Variants in MAP3K3 observed in about 807,000 individuals in gnomAD.
The protein encoded by MAP3K3 is MAP/ERK kinase kinase 3.
In MAP3K3, 12 loss-of-function variants were observed where a neutral mutation model predicts 80.9. The ratio of observed to expected loss-of-function variants is 0.15; its 90% CI spans 0.10 to 0.24. The LOEUF (loss-of-function observed/expected upper bound fraction) is 0.24. Ranked by LOEUF, MAP3K3 falls within the 10% of genes least tolerant of loss-of-function variation. The pLI, the probability that MAP3K3 is intolerant of heterozygous loss-of-function variation, is 1.00. For missense variants in MAP3K3, 596 were observed against 834.7 expected (o/e 0.71, Z 3.52); for synonymous variants, 272 against 307.1 (o/e 0.89, Z 1.19).
intron 2 of MAP3K3, among the ~76,000 whole-genome samples, chr17:63,643,096 A>G (rs1324467540): frequency 2.0e-5 from 3 of 152,150 alleles, no homozygotes; most frequent in African/African-American, 7.2e-5. Flanking sequence ...AAATTAAACA[A>G]AAACAAAAAC....
chr17:63,691,319 G>A lies in MAP3K3; in HGVS notation c.1344+86G>A. The A allele has an allele frequency of 3.8e-6, 6 of 1,584,424 alleles. No homozygotes were observed. The South Asian group carries it at 6.7e-5, about 18-fold the overall frequency. ...GGCCTGCAGGAGGGGGGTCACCTTG[G>A]ATAGGAGTTTGAACACCTGAGGCTC... On this transcript the variant is annotated intron_variant, in intron 13 of 15. Transcript: ENST00000361733. The surrounding 1 kb of genome is among the most constrained non-coding windows in gnomAD (Gnocchi z 4.8).
chr17:63,650,658 T>TAGAGAGAGAGAGAGAGAGAGAGAGAGAG (rs61412799), intron 3 of MAP3K3, among the ~76,000 whole-genome samples: 16 of 117,278 alleles, frequency 1.4e-4, no homozygotes, highest in African/African-American at 5.3e-4. Context: ...CTGTCTCTTA[T>TAGAGAGAGAGAGAGAGAGAGAGAGAGAG]AGAGAGAGAG....
At chr17:63,678,342 T>C (rs901179019) in intron 6 of MAP3K3, among the ~76,000 whole-genome samples, 1 of 152,218 alleles carries the variant, frequency 6.6e-6, no homozygotes. Flanking sequence ...TTAGTTTCTG[T>C]TAGGACTTAG....
At chr17:63,677,101 A>G (rs1032057579) in intron 6 of MAP3K3, among the ~76,000 whole-genome samples, 4 of 152,224 alleles carry the variant, frequency 2.6e-5, no homozygotes, top group Non-Finnish European at 5.9e-5. Flanking sequence ...GCGGATATGT[A>G]CCTGTGCCAG....
chr17:63,633,529 G>A (rs1186151669), intron 2 of MAP3K3, among the ~76,000 whole-genome samples: 2 of 152,200 alleles, frequency 1.3e-5, no homozygotes, highest in East Asian at 3.8e-4. Context: ...AGGCAATAAT[G>A]AGTGATTTTG....
chr17:63,645,358 TA>T, intron 2 of MAP3K3, among the ~76,000 whole-genome samples: 2 of 152,190 alleles, frequency 1.3e-5, no homozygotes, highest in East Asian at 3.9e-4. Context: ...GTTTACAGGC[TA>T]CTCATGATGG....
Position 63,692,075 on chromosome 17 carries a change from G to A in MAP3K3, c.1475-167G>A, listed in dbSNP as rs367690477. 3.3e-5 allele frequency among the ~76,000 whole-genome samples: 5 copies of A among 152,140 alleles called. No homozygotes were observed. The highest frequency in any genetic ancestry group is 1.9e-4 in the East Asian group (1 of 5,182). ...GGCCTTGGAGATGGTCATTTTGTGC[G>A]GTAGATCTGAGACTCCCCTTTGCTA... On this transcript the variant is annotated intron_variant, in intron 14 of 15. Coordinates refer to ENST00000361733, the MANE Select transcript of MAP3K3 (RefSeq NM_002401.5). The surrounding 1 kb of genome is among the most constrained non-coding windows in gnomAD (Gnocchi z 4.5).
rs1000399765 is a variant in MAP3K3, at chr17:63,678,747, C to T, written c.503-3019C>T. On this transcript the variant is annotated intron_variant, in intron 6 of 15. Coordinates refer to ENST00000361733, the MANE Select transcript of MAP3K3 (RefSeq NM_002401.5). ...TATAGAAGAATTAAAGAGTCAGTTT[C>T]AACTGGGTGCAGTGGCTGACGCCTG... 2.6e-5 allele frequency among the ~76,000 whole-genome samples: 4 copies of T among 152,320 alleles called. No individual in the cohort carries two copies. The South Asian group carries it at 8.3e-4, about 32-fold the overall frequency.
rs142130706 is a variant in MAP3K3 at position 63,628,958 on chromosome 17, G to A, written c.5-3723G>A. Among the ~76,000 whole-genome samples, 941 of 152,104 alleles carry A rather than the reference G, an allele frequency of 6.2e-3. 4 individuals carry two copies. The highest frequency in any genetic ancestry group is 0.01 in the Middle Eastern group (3 of 294). On this transcript the variant is annotated intron_variant, in intron 1 of 15. Transcript: ENST00000361733. ...AGAAATAATTCGTAGGTTTTCTGTT[G>A]CTTTTAACTCCCACAGCAGCTTTGT...
Position 63,696,032 on chromosome 17 carries a change from C to T in MAP3K3, c.*2255C>T, listed in dbSNP as rs1026006394. ...GGCTTGCTGTGGGAAGGGGCCGTGC[C>T]GTCACTTTCTCATCATTCCATGGGG... On this transcript the variant is annotated 3_prime_UTR_variant, in exon 16 of 16. Transcript: ENST00000361733. 8 of 152,568 alleles carry T rather than the reference C, an allele frequency of 5.2e-5. No homozygotes were observed. The highest frequency in any genetic ancestry group is 7.3e-5 in the Non-Finnish European group (5 of 68,068). 9.5% of individuals were successfully genotyped at this position (152,568 alleles called of 1,614,324 possible).
At position 63,657,813 on chromosome 17, in the gene MAP3K3, A is replaced by G. The variant is rs1169442799; in HGVS notation, c.287A>G (p.Asn96Ser). The G allele has an allele frequency of 1.3e-6, 2 of 1,596,782 alleles. No homozygotes were observed. The highest frequency in any genetic ancestry group is 2.2e-5 in the South Asian group (2 of 89,544). ...MNNELSILLK[N>S]QDDLDKAIDI... is the part of the protein sequence containing the mutation. ...TCACAGCTCTCCATCCTGCTGAAAA[A>G]CCAAGATGATCTTGATAAAGCAATT... The change falls in exon 5 of 16, where the codon AAC (asparagine) becomes AGC (serine). Residue 96 changes from asparagine (N) to serine (S), a missense_variant. Physicochemically the swap from Asn to Ser is conservative, Grantham distance 46. Transcript: ENST00000361733.
chr17:63,687,967 C>T (rs1161262468), intron 8 of MAP3K3, among the ~76,000 whole-genome samples: 6 of 151,940 alleles, frequency 3.9e-5, no homozygotes, highest in Admixed American at 6.5e-5. Context: ...GTCTTCCTAG[C>T]TTTATCTTTG....
At chr17:63,683,148 G>A (rs1227886637) in intron 7 of MAP3K3, among the ~76,000 whole-genome samples, 1 of 152,192 alleles carries the variant, frequency 6.6e-6, no homozygotes, top group Non-Finnish European at 1.5e-5. Context: ...CCAACAGAAG[G>A]GCCTGTGCTG....
intron 2 of MAP3K3, chr17:63,637,024 C>T: frequency 1.8e-6 from 1 of 570,044 alleles, no homozygotes; most frequent in Non-Finnish European, 3.3e-6. Context: ...TGGGGGACGA[C>T]AAGGTGGGGA....
intron 2 of MAP3K3, among the ~76,000 whole-genome samples, chr17:63,638,515 T>C (rs564052128): frequency 2.0e-5 from 3 of 152,320 alleles, no homozygotes; most frequent in South Asian, 2.1e-4. Flanking sequence ...TTTAGTGTTA[T>C]TGTCAGTTAT....
Position 63,689,224 on chromosome 17 carries a change from GT to G in MAP3K3, c.872-319del. 1.9e-6 allele frequency: 1 copy of G among 527,720 alleles called. No homozygotes were observed. Among genetic ancestry groups the G allele is most frequent in the Non-Finnish European group, 3.4e-6 (1 of 295,546 alleles). 32.7% of individuals were successfully genotyped at this position (527,720 alleles called of 1,614,324 possible). A position where few individuals can be genotyped will look rare whatever the true frequency, so the allele number is the denominator to read the frequency against. Reference sequence around the variant, plus strand: ...TACAAGGAAATCAGTGCCTTCGGGTGTGGCTTGGCCTTGCAAGCAATTGGGA... The same window carrying G: ...TACAAGGAAATCAGTGCCTTCGGGTGGGCTTGGCCTTGCAAGCAATTGGGA... On this transcript the variant is annotated intron_variant, in intron 10 of 15. Transcript: ENST00000361733. The surrounding 1 kb of genome is among the most constrained non-coding windows in gnomAD (Gnocchi z 4.3).
At chr17:63,641,241 A>G (rs1232096788) in intron 2 of MAP3K3, among the ~76,000 whole-genome samples, 1 of 149,134 alleles carries the variant, frequency 6.7e-6, no homozygotes, top group African/African-American at 2.5e-5. Context: ...CAGTGCCATT[A>G]CTTTTTTTTT....
intron 1 of MAP3K3, among the ~76,000 whole-genome samples, chr17:63,628,584 C>G (rs1223938929): frequency 1.3e-5 from 2 of 151,346 alleles, no homozygotes; most frequent in Non-Finnish European, 2.9e-5. Context: ...GTTCTCGAAC[C>G]CCTAACCTCA....
At chr17:63,630,382 C>T (rs1169121504) in intron 1 of MAP3K3, among the ~76,000 whole-genome samples, 1 of 152,174 alleles carries the variant, frequency 6.6e-6, no homozygotes, top group Non-Finnish European at 1.5e-5. Context: ...GGCTGAAGTA[C>T]AGTGGCATGA....
Sources: gnomAD v4.1 joint callset for allele counts (sites outside exome capture counted in the v4.1 genomes callset) on GRCh38, gnomAD v4.1.1 for gene constraint, Gnocchi (gnomAD v3.1) non-coding constraint, MANE v1.5 for transcripts, NCBI Gene and HGNC (gene_info 2026-07-23, HGNC 2026-07-21) for gene names.